Variants in MTUS2 observed in about 807,000 individuals in gnomAD.
MTUS2 encodes microtubule-associated tumor suppressor candidate 2.
A neutral mutation model predicts 114.1 loss-of-function variants in MTUS2; 40 were observed. The observed-to-expected ratio is 0.35, with a 90% CI of 0.27 to 0.46. The LOEUF is 0.46. MTUS2 is among the 20% of genes least tolerant of loss of function. The pLI, the probability that MTUS2 is intolerant of heterozygous loss-of-function variation, is 1.00. For missense variants in MTUS2, 1,679 were observed against 1,705.4 expected, an observed-to-expected ratio of 0.98 and a Z score of 0.27; for synonymous variants, 688 against 672.0, an observed-to-expected ratio of 1.02 and a Z score of -0.37.
chr13:28,962,728 G>A (rs549529846), intron 2 of MTUS2, among the ~76,000 whole-genome samples: 1 of 152,154 alleles, frequency 6.6e-6, no homozygotes, highest in East Asian at 1.9e-4. Flanking sequence ...CCAAGATTTG[G>A]GAAGGTTACA....
intron 8 of MTUS2, among the ~76,000 whole-genome samples, chr13:29,366,569 G>T (rs1025565509): frequency 9.9e-5 from 15 of 152,218 alleles, no homozygotes; most frequent in Non-Finnish European, 5.9e-5. Context: ...TCCTCAGGGG[G>T]TAGAGTATGC....
intron 2 of MTUS2, among the ~76,000 whole-genome samples, chr13:28,907,361 C>T (rs1227631532): frequency 1.3e-5 from 2 of 151,506 alleles, no homozygotes; most frequent in East Asian, 3.8e-4. Context: ...GCAAAATAAC[C>T]AGCTAACATC....
At chr13:29,439,395 T>C (rs972090613) in intron 8 of MTUS2, among the ~76,000 whole-genome samples, 3 of 152,216 alleles carry the variant, frequency 2.0e-5, no homozygotes, top group African/African-American at 7.2e-5. Flanking sequence ...TGAGATTTCC[T>C]TTTTTCATCT....
chr13:29,042,507 TTGTC>T (rs1887413700), intron 4 of MTUS2, among the ~76,000 whole-genome samples: 1 of 144,070 alleles, frequency 6.9e-6, no homozygotes, highest in Non-Finnish European at 1.5e-5. Flanking sequence ...GATTCCCTCT[TTGTC>T]TGTCTTTTGA....
chr13:28,842,889 C>T (rs985933595), intron 2 of MTUS2, among the ~76,000 whole-genome samples: 1 of 152,146 alleles, frequency 6.6e-6, no homozygotes, highest in Non-Finnish European at 1.5e-5. Context: ...GAGCCCAACA[C>T]TCATTATCTC....
intron 6 of MTUS2, among the ~76,000 whole-genome samples, chr13:29,324,053 G>A (rs1900372819): frequency 6.6e-6 from 1 of 152,192 alleles, no homozygotes; most frequent in African/African-American, 2.4e-5. Flanking sequence ...TGCTGGACCA[G>A]CTCTGGCAGC....
chr13:28,849,712 C>T (rs1402152827), intron 2 of MTUS2, among the ~76,000 whole-genome samples: 1 of 152,006 alleles, frequency 6.6e-6, no homozygotes, highest in Non-Finnish European at 1.5e-5. Flanking sequence ...TGCTTGAACC[C>T]TTTGCTCCAG....
intron 2 of MTUS2, among the ~76,000 whole-genome samples, chr13:28,891,419 A>G (rs1213925247): frequency 6.6e-6 from 1 of 152,230 alleles, no homozygotes; most frequent in East Asian, 1.9e-4. Flanking sequence ...TGTATTGCCT[A>G]TTCAAAAAAT....
intron 7 of MTUS2, among the ~76,000 whole-genome samples, chr13:29,334,982 G>A (rs1041498106): frequency 6.6e-6 from 1 of 152,190 alleles, no homozygotes; most frequent in Non-Finnish European, 1.5e-5. Flanking sequence ...TGTAGAGCAT[G>A]TGTGTTTGAA....
intron 4 of MTUS2, among the ~76,000 whole-genome samples, chr13:29,071,391 G>C (rs1888919563): frequency 8.2e-6 from 1 of 122,544 alleles, no homozygotes; most frequent in Non-Finnish European, 1.7e-5. Flanking sequence ...TTTTTTAAAA[G>C]ATCTCTATGT....
At chr13:29,124,417 A>G (rs1249485873) in intron 5 of MTUS2, among the ~76,000 whole-genome samples, 1 of 152,204 alleles carries the variant, frequency 6.6e-6, no homozygotes, top group Non-Finnish European at 1.5e-5. Flanking sequence ...TTTTTTTTAA[A>G]AAGCCCAGAA....
intron 5 of MTUS2, among the ~76,000 whole-genome samples, chr13:29,211,258 G>C (rs1304959283): frequency 6.6e-6 from 1 of 152,176 alleles, no homozygotes; most frequent in Non-Finnish European, 1.5e-5. Context: ...CTGGGGGAAA[G>C]CTGGCAGTGA....
At chr13:29,389,318 C>A (rs1872891961) in intron 8 of MTUS2, among the ~76,000 whole-genome samples, 1 of 105,182 alleles carries the variant, frequency 9.5e-6, no homozygotes, top group African/African-American at 3.2e-5. Flanking sequence ...TATATGTATA[C>A]ACATATGTGT....
At chr13:29,063,459 A>G (rs1888513879) in intron 4 of MTUS2, among the ~76,000 whole-genome samples, 1 of 152,330 alleles carries the variant, frequency 6.6e-6, no homozygotes, top group East Asian at 1.9e-4. Context: ...ACTGCATTCT[A>G]TAAATAACCA....
intron 5 of MTUS2, among the ~76,000 whole-genome samples, chr13:29,203,021 C>T (rs1895027433): frequency 1.3e-5 from 2 of 152,346 alleles, no homozygotes; most frequent in East Asian, 3.9e-4. Context: ...TGTCCCTTAG[C>T]AGAGCTCAAG....
At chr13:29,135,270 G>C (rs1891930812) in intron 5 of MTUS2, among the ~76,000 whole-genome samples, 1 of 152,146 alleles carries the variant, frequency 6.6e-6, no homozygotes, top group Non-Finnish European at 1.5e-5. Flanking sequence ...CAAATAAGGG[G>C]GGACTACTAT....
At chr13:29,047,673 C>G (rs1488102834) in intron 4 of MTUS2, among the ~76,000 whole-genome samples, 1 of 152,116 alleles carries the variant, frequency 6.6e-6, no homozygotes, top group African/African-American at 2.4e-5. Flanking sequence ...GCCACCTCGC[C>G]CGGCTAATTT....
chr13:29,060,322 T>G (rs958018723), intron 4 of MTUS2, among the ~76,000 whole-genome samples: 3 of 152,032 alleles, frequency 2.0e-5, no homozygotes, highest in African/African-American at 7.2e-5. Context: ...GTCAAGGGGA[T>G]TCTTCTGTTC....
At chr13:28,976,203 C>CAAAAAA (rs71090215) in intron 2 of MTUS2, among the ~76,000 whole-genome samples, 61 of 89,930 alleles carry the variant, frequency 6.8e-4, no homozygotes, top group South Asian at 1.2e-3. Context: ...GACCTTGTCT[C>CAAAAAA]AAAAAAAAAA....
Sources: gnomAD v4.1 joint callset for allele counts (sites outside exome capture counted in the v4.1 genomes callset) on GRCh38, gnomAD v4.1.1 for gene constraint, MANE v1.5 for transcripts, NCBI Gene and HGNC (gene_info 2026-07-23, HGNC 2026-07-21) for gene names.